The following SMARCA2 variants were observed in gnomAD, a reference collection of about 807,000 sequenced individuals.
SMARCA2 encodes the protein SWI/SNF-related matrix-associated actin-dependent regulator of chromatin subfamily A member 2.
In SMARCA2, 61 loss-of-function variants were observed where a neutral mutation model predicts 199.8. That is an observed-to-expected ratio of 0.31 (90% confidence interval 0.25 to 0.38). SMARCA2 has a LOEUF of 0.38. Ranked by LOEUF, SMARCA2 falls within the 10% of genes least tolerant of loss-of-function variation. The pLI is 1.00. For synonymous variants in SMARCA2, 935 were observed against 732.0 expected (o/e 1.28, Z -4.48); for missense variants, 1,344 against 2,012.2 (o/e 0.67, Z 6.35).
chr9:2,129,144 C>T (rs1193647356), intron 27 of SMARCA2, among the ~76,000 whole-genome samples: 1 of 152,210 alleles, frequency 6.6e-6, no homozygotes. Flanking sequence ...CTAGGCCAGG[C>T]ACTGTGGCTC....
intron 22 of SMARCA2, among the ~76,000 whole-genome samples, chr9:2,102,647 T>C (rs1822572436): frequency 6.6e-6 from 1 of 152,184 alleles, no homozygotes; most frequent in Admixed American, 6.5e-5. Flanking sequence ...TGCTTTAGCC[T>C]TTCTCCATAT....
At chr9:2,031,924 A>G (rs941730501) in intron 2 of SMARCA2, among the ~76,000 whole-genome samples, 1 of 152,202 alleles carries the variant, frequency 6.6e-6, no homozygotes, top group African/African-American at 2.4e-5. Flanking sequence ...CAAGTGGCCT[A>G]AATACATCTG....
At chr9:2,173,412 A>G in intron 29 of SMARCA2, among the ~76,000 whole-genome samples, 1 of 152,194 alleles carries the variant, frequency 6.6e-6, no homozygotes, top group Middle Eastern at 3.2e-3. Context: ...GGCTGTAATG[A>G]TAGCTCTCAA....
chr9:2,015,799 C>G (rs904592617), intron 1 of SMARCA2, among the ~76,000 whole-genome samples: 1 of 152,182 alleles, frequency 6.6e-6, no homozygotes, highest in African/African-American at 2.4e-5. Flanking sequence ...GCTGCCAACT[C>G]AAGGTTGCAA....
At chr9:2,182,992 T>G (rs534594935) in intron 31 of SMARCA2, among the ~76,000 whole-genome samples, 1 of 152,108 alleles carries the variant, frequency 6.6e-6, no homozygotes, top group Non-Finnish European at 1.5e-5. Context: ...GGTTTCACCA[T>G]GTTAGCCAGG....
rs563948709 is a variant in SMARCA2 at position 2,161,157 on chromosome 9, T to G, written c.3982-529T>G. 4.1e-4 allele frequency: 64 copies of G among 155,074 alleles called. 1 individual carries two copies. The South Asian group carries it at 8.6e-3, about 21-fold the overall frequency. 9.6% of individuals were successfully genotyped at this position (155,074 alleles called of 1,614,324 possible). A position where few individuals can be genotyped will look rare whatever the true frequency, so the allele number is the denominator to read the frequency against. ...GTTTCCTTGTTTACTAATTGCCACG[T>G]TAGAACAAAAATCTAGATGGAATTT... On this transcript the variant is annotated intron_variant, in intron 27 of 33. Transcript: ENST00000349721. The surrounding 1 kb of genome is among the most constrained non-coding windows in gnomAD (Gnocchi z 4.7).
chr9:2,053,739 A>C (rs1325052234), intron 5 of SMARCA2, among the ~76,000 whole-genome samples: 1 of 152,224 alleles, frequency 6.6e-6, no homozygotes, highest in Non-Finnish European at 1.5e-5. Flanking sequence ...AATGGCATAT[A>C]ATTATTTTGT....
At position 2,170,044 on chromosome 9, in the gene SMARCA2, T is replaced by C. The variant is rs1826161956; in HGVS notation, c.4200-375T>C. On this transcript the variant is annotated intron_variant, in intron 28 of 33. Transcript: ENST00000349721. This position sits in a 1 kb window ranked among gnomAD's most constrained non-coding sequence, Gnocchi z 4.7. ...GTAAGTATTTCCCCCATTTTACAAA[T>C]GAGGGGCTAAACTCAGATAGACTAG... 6.6e-6 allele frequency among the ~76,000 whole-genome samples: 1 copy of C among 152,174 alleles called. No individual in the cohort carries two copies. The highest frequency in any genetic ancestry group is 1.9e-4 in the East Asian group (1 of 5,200).
intron 27 of SMARCA2, among the ~76,000 whole-genome samples, chr9:2,136,961 A>G (rs1041095061): frequency 1.2e-4 from 19 of 152,152 alleles, no homozygotes; most frequent in Admixed American, 1.2e-3. Context: ...GGAAAGGGCC[A>G]CTGCCTCTTT....
intron 13 of SMARCA2, among the ~76,000 whole-genome samples, chr9:2,076,798 C>T (rs1250876120): frequency 1.3e-5 from 2 of 152,136 alleles, no homozygotes; most frequent in African/African-American, 2.4e-5. Flanking sequence ...CACCAACTCT[C>T]GCCCAGTCCC....
chr9:2,154,860 G>A (rs1825264260), intron 27 of SMARCA2, among the ~76,000 whole-genome samples: 1 of 152,242 alleles, frequency 6.6e-6, no homozygotes, highest in South Asian at 2.1e-4. Flanking sequence ...AAGTACAGAA[G>A]TGGCCCAGGC....
At chr9:2,087,124 A>G in intron 18 of SMARCA2, 53 bp downstream of exon 18, 6 of 1,606,756 alleles carry the variant, frequency 3.7e-6, no homozygotes, top group Non-Finnish European at 4.3e-6. Flanking sequence ...ATGAAATGAA[A>G]GGCCCTAAAG....
rs1334618913 is a variant in SMARCA2 at position 2,087,002 on chromosome 9, A to G, written c.2700A>G (p.Pro900=). The change falls in exon 18 of 34, where the codon CCA becomes CCG. Residue 900 remains proline (P), a synonymous_variant. Transcript: ENST00000349721. ...GGGCCCTCCTCAACTTCCTCCTCCC[A>G]ACAATTTTTAAGAGCTGCAGCACAT... ...ELWALLNFLL[P]TIFKSCSTFE... The G allele has an allele frequency of 1.2e-6, 2 of 1,614,100 alleles. No homozygotes were observed. The highest frequency in any genetic ancestry group is 2.2e-5 in the South Asian group (2 of 91,080).
At chr9:2,182,806 A>AT (rs34427269) in intron 31 of SMARCA2, among the ~76,000 whole-genome samples, 100,846 of 146,362 alleles carry the variant, frequency 0.69, 34,403 homozygotes, top group African/African-American at 0.74. Context: ...CAAAGCATAT[A>AT]TTTTTTTTTC....
chr9:2,160,666 AT>A (rs1472849619), intron 27 of SMARCA2: 4 of 682,778 alleles, frequency 5.9e-6, no homozygotes, highest in Non-Finnish European at 1.1e-5. Flanking sequence ...GAAAGGATTG[AT>A]TATCATTTGC....
chr9:2,051,422 A>G (rs556158382), intron 5 of SMARCA2, among the ~76,000 whole-genome samples: 1 of 152,204 alleles, frequency 6.6e-6, no homozygotes, highest in Non-Finnish European at 1.5e-5. Flanking sequence ...TCCAGTGCCT[A>G]AGTCACACAG....
intron 32 of SMARCA2, among the ~76,000 whole-genome samples, chr9:2,186,715 G>A (rs560918803): frequency 6.6e-6 from 1 of 152,094 alleles, no homozygotes. Context: ...TAGTAGAGAT[G>A]GAGTGTCACC....
chr9:2,100,419 C>G (rs1390623835), intron 21 of SMARCA2, among the ~76,000 whole-genome samples: 2 of 152,132 alleles, frequency 1.3e-5, no homozygotes, highest in African/African-American at 2.4e-5. Context: ...TTTCACCTAA[C>G]TGGCCAGGTG....
At chr9:2,096,476 C>T (rs1257190351) in intron 19 of SMARCA2, 181 bp from the exon 20 acceptor site, 2 of 534,546 alleles carry the variant, frequency 3.7e-6, no homozygotes, top group Middle Eastern at 4.9e-4. Flanking sequence ...ATAATGGTAC[C>T]TTGAACAATG....
Sources: gnomAD v4.1 joint callset for allele counts (sites outside exome capture counted in the v4.1 genomes callset) on GRCh38, gnomAD v4.1.1 for gene constraint, Gnocchi (gnomAD v3.1) non-coding constraint, MANE v1.5 for transcripts, NCBI Gene and HGNC (gene_info 2026-07-23, HGNC 2026-07-21) for gene names.